Variants in CDH8 observed in about 807,000 individuals in gnomAD.
The protein encoded by CDH8 is cadherin-8.
In CDH8, 17 loss-of-function variants were observed where a neutral mutation model predicts 68.1. The ratio of observed to expected loss-of-function variants is 0.25; its 90% CI spans 0.17 to 0.37. The LOEUF is 0.37. Among genes scored for constraint, CDH8 ranks in the 10% least tolerant of loss-of-function variants. The probability of loss-of-function intolerance (pLI) is 1.00; values close to 1 mark genes in which losing one functional copy is unlikely to be tolerated. For synonymous variants in CDH8, 372 were observed against 365.1 expected (o/e 1.02, Z -0.21); for missense variants, 763 against 999.3 (o/e 0.76, Z 3.19).
intron 3 of CDH8, among the ~76,000 whole-genome samples, chr16:61,895,379 A>G (rs1274254297): frequency 1.3e-5 from 2 of 152,138 alleles, no homozygotes; most frequent in Non-Finnish European, 2.9e-5. Context: ...ATTATGTAGC[A>G]TTTTCCCTAA....
chr16:61,851,732 C>T (rs940971573), intron 4 of CDH8, among the ~76,000 whole-genome samples: 1 of 151,994 alleles, frequency 6.6e-6, no homozygotes, highest in Non-Finnish European at 1.5e-5. Context: ...AAACTATTCA[C>T]AAGAATGACA....
chr16:61,837,873 T>C (rs1358450329), intron 4 of CDH8, among the ~76,000 whole-genome samples: 3 of 152,034 alleles, frequency 2.0e-5, no homozygotes, highest in African/African-American at 7.2e-5. Flanking sequence ...TAGATCTCTA[T>C]GTCCCTCCAG....
chr16:61,697,386 C>G (rs1964347021), intron 10 of CDH8, among the ~76,000 whole-genome samples: 1 of 152,060 alleles, frequency 6.6e-6, no homozygotes, highest in Non-Finnish European at 1.5e-5. Context: ...ACCACCGAGG[C>G]CAAACATAGA....
At chr16:61,798,889 A>C (rs956031358) in intron 7 of CDH8, among the ~76,000 whole-genome samples, 5 of 152,236 alleles carry the variant, frequency 3.3e-5, no homozygotes, top group African/African-American at 1.2e-4. Flanking sequence ...CAAGTACAAC[A>C]AATGGATCAG....
At chr16:61,724,024 T>C (rs1959269659) in intron 9 of CDH8, among the ~76,000 whole-genome samples, 1 of 150,678 alleles carries the variant, frequency 6.6e-6, no homozygotes, top group South Asian at 2.1e-4. Context: ...TGATAACATA[T>C]ATAATATTTA....
At chr16:61,747,251 G>T (rs998936233) in intron 8 of CDH8, among the ~76,000 whole-genome samples, 5 of 152,050 alleles carry the variant, frequency 3.3e-5, no homozygotes, top group Admixed American at 2.0e-4. Context: ...ATGCAAATCT[G>T]CAAGGAACAG....
intron 11 of CDH8, 100 bp from the exon 12 acceptor site, chr16:61,654,201 G>C: frequency 1.0e-6 from 1 of 962,054 alleles, no homozygotes; most frequent in East Asian, 2.5e-5. Context: ...TTACAAAATT[G>C]TATGAGCATA....
chr16:61,688,501 G>A lies in CDH8; in HGVS notation c.1654+25340C>T, dbSNP rs916308097. ...GTGCTTCCTTTTTCGTGTAGTGTGG[G>A]GTGTTGAGTATTTGGAAGAAATGAA... is the stretch of plus-strand genomic sequence containing the variant. On this transcript the variant is annotated intron_variant, in intron 10 of 11. Transcript: ENST00000577390. Among the ~76,000 whole-genome samples, 4 of 151,968 alleles carry A rather than the reference G, an allele frequency of 2.6e-5. No homozygotes were observed. The South Asian group carries it at 8.3e-4, about 32-fold the overall frequency.
chr16:61,723,832 T>C (rs1959263560), intron 9 of CDH8, among the ~76,000 whole-genome samples: 1 of 150,604 alleles, frequency 6.6e-6, no homozygotes, highest in Non-Finnish European at 1.5e-5. Context: ...GTGGAGAATA[T>C]CCTGTTTAAC....
chr16:62,032,023 T>C (rs1315042747), intron 1 of CDH8: 1 of 152,204 alleles, frequency 6.6e-6, no homozygotes, highest in African/African-American at 2.4e-5. Flanking sequence ...TCTGTAAGAA[T>C]GAATTGAGAA....
intron 4 of CDH8, among the ~76,000 whole-genome samples, chr16:61,839,810 G>T (rs1459784272): frequency 6.6e-6 from 1 of 152,108 alleles, no homozygotes; most frequent in Non-Finnish European, 1.5e-5. Flanking sequence ...ATCTGAAATA[G>T]CTCACAGTTC....
intron 2 of CDH8, among the ~76,000 whole-genome samples, chr16:61,949,883 G>C (rs375097330): frequency 2.0e-5 from 3 of 152,028 alleles, no homozygotes; most frequent in African/African-American, 7.2e-5. Flanking sequence ...CAACTCTCAG[G>C]GGGCTGAGGT....
At chr16:61,843,025 T>A (rs1962721672) in intron 4 of CDH8, among the ~76,000 whole-genome samples, 1 of 151,338 alleles carries the variant, frequency 6.6e-6, no homozygotes, top group Admixed American at 6.6e-5. Context: ...CTGCTGGAGG[T>A]GGATGGGCTA....
At chr16:61,690,578 C>T (rs761348361) in intron 10 of CDH8, among the ~76,000 whole-genome samples, 3 of 151,910 alleles carry the variant, frequency 2.0e-5, no homozygotes, top group African/African-American at 7.3e-5. Context: ...GCACACATAC[C>T]TTTATATTAT....
At chr16:61,857,833 T>C (rs1234914396) in intron 3 of CDH8, among the ~76,000 whole-genome samples, 2 of 152,134 alleles carry the variant, frequency 1.3e-5, no homozygotes, top group Admixed American at 6.6e-5. Flanking sequence ...CAATTGAGCA[T>C]ATACAGTTTG....
At chr16:61,856,390 A>G (rs1056924756) in intron 4 of CDH8, among the ~76,000 whole-genome samples, 12 of 152,174 alleles carry the variant, frequency 7.9e-5, no homozygotes, top group Non-Finnish European at 1.6e-4. Context: ...CTCTTAATAT[A>G]CTGTTAAATT....
chr16:61,670,784 A>C (rs910914211), intron 10 of CDH8, among the ~76,000 whole-genome samples: 1 of 151,964 alleles, frequency 6.6e-6, no homozygotes, highest in South Asian at 2.1e-4. Context: ...CTTTTATCTG[A>C]TTACCTACAT....
intron 2 of CDH8, among the ~76,000 whole-genome samples, chr16:62,002,590 A>T (rs1256576282): frequency 6.6e-6 from 1 of 152,254 alleles, no homozygotes; most frequent in East Asian, 1.9e-4. Flanking sequence ...GTTTCCTATT[A>T]TCATTGCAAG....
chr16:61,759,120 C>A (rs1371916788), intron 8 of CDH8, among the ~76,000 whole-genome samples: 2 of 151,902 alleles, frequency 1.3e-5, no homozygotes, highest in African/African-American at 4.8e-5. Context: ...AAGAGCTCAC[C>A]CTGAAGAGAT....
Sources: gnomAD v4.1 joint callset for allele counts (sites outside exome capture counted in the v4.1 genomes callset) on GRCh38, gnomAD v4.1.1 for gene constraint, MANE v1.5 for transcripts, NCBI Gene and HGNC (gene_info 2026-07-23, HGNC 2026-07-21) for gene names.